Variants in SLC38A12 observed in about 807,000 individuals in gnomAD.
SLC38A12 encodes solute carrier family 38 member 12.
At chr17:74,833,015 G>GACTTGTTT in the SLC38A12 span, among the ~76,000 whole-genome samples, 3,722 of 151,838 alleles carry the variant, frequency 0.025, 58 homozygotes, top group African/African-American at 0.033. Flanking sequence ...CCATATCCGT[G>GACTTGTTT]GCTTGTTTGT....
the SLC38A12 span, among the ~76,000 whole-genome samples, chr17:74,831,603 A>G: frequency 6.6e-6 from 1 of 151,482 alleles, no homozygotes; most frequent in African/African-American, 2.4e-5. Context: ...GCTCTCCACC[A>G]CTCAGAGCGG....
chr17:74,807,376 GT>G, the SLC38A12 span, among the ~76,000 whole-genome samples: 5 of 152,362 alleles, frequency 3.3e-5, no homozygotes, highest in Non-Finnish European at 7.3e-5. Context: ...TCGCAGCGTG[GT>G]TGCTCCCTGA....
the SLC38A12 span, chr17:74,837,125 A>G: frequency 8.1e-6 from 8 of 990,160 alleles, no homozygotes; most frequent in Non-Finnish European, 9.6e-6. Flanking sequence ...AGAAACCTCC[A>G]CTAGCAGCTG....
the SLC38A12 span, among the ~76,000 whole-genome samples, chr17:74,786,943 C>G: frequency 6.6e-6 from 1 of 152,178 alleles, no homozygotes; most frequent in Non-Finnish European, 1.5e-5. Flanking sequence ...GGGTACCACA[C>G]CCCGCTCCTT....
the SLC38A12 span, among the ~76,000 whole-genome samples, chr17:74,807,032 GAAA>G: frequency 6.6e-6 from 1 of 152,098 alleles, no homozygotes; most frequent in African/African-American, 2.4e-5. Flanking sequence ...CTCCTCTCCA[GAAA>G]GCAAAGTCTA....
At chr17:74,825,977 G>A in the SLC38A12 span, among the ~76,000 whole-genome samples, 1,580 of 152,222 alleles carry the variant, frequency 0.01, 12 homozygotes, top group Middle Eastern at 0.017. Context: ...TCTCCTTCCC[G>A]TCTCTCTCTG....
the SLC38A12 span, among the ~76,000 whole-genome samples, chr17:74,806,720 G>A: frequency 2.0e-5 from 3 of 152,094 alleles, no homozygotes; most frequent in Admixed American, 2.0e-4. Flanking sequence ...TTCCCCAGGA[G>A]GGCCTAGGAT....
chr17:74,800,727 C>T, the SLC38A12 span, among the ~76,000 whole-genome samples: 7 of 152,222 alleles, frequency 4.6e-5, no homozygotes, highest in Non-Finnish European at 8.8e-5. Context: ...AGTGGTGCCC[C>T]CAGGGCACAA....
the SLC38A12 span, among the ~76,000 whole-genome samples, chr17:74,821,597 G>A: frequency 1.2e-4 from 19 of 152,196 alleles, no homozygotes; most frequent in South Asian, 4.1e-4. Flanking sequence ...GGGCTCAGCC[G>A]TCCACCCTTC....
At chr17:74,820,701 A>G in the SLC38A12 span, among the ~76,000 whole-genome samples, 1 of 152,178 alleles carries the variant, frequency 6.6e-6, no homozygotes, top group Non-Finnish European at 1.5e-5. Context: ...TCAGCACAGA[A>G]GCACTTGGCT....
At chr17:74,805,818 G>C in the SLC38A12 span, among the ~76,000 whole-genome samples, 1 of 152,198 alleles carries the variant, frequency 6.6e-6, no homozygotes, top group African/African-American at 2.4e-5. This position sits in a 1 kb window ranked among gnomAD's most constrained non-coding sequence, Gnocchi z 5.0. Flanking sequence ...ACCGAGGAAG[G>C]GAAGATGCCG....
the SLC38A12 span, among the ~76,000 whole-genome samples, chr17:74,826,844 G>A: frequency 7.9e-5 from 12 of 152,202 alleles, no homozygotes; most frequent in African/African-American, 2.7e-4. Context: ...TGGCCTTGAG[G>A]GGCCTTAAAA....
At chr17:74,803,739 C>T in the SLC38A12 span, among the ~76,000 whole-genome samples, 1 of 152,142 alleles carries the variant, frequency 6.6e-6, no homozygotes, top group African/African-American at 2.4e-5. Flanking sequence ...AGCTGAGCCC[C>T]GGGCAGACTC....
At chr17:74,776,566 G>T in the SLC38A12 span, 1 of 152,210 alleles carries the variant, frequency 6.6e-6, no homozygotes, top group Non-Finnish European at 1.5e-5. Context: ...TTGGGAGCTG[G>T]CTGTGCTGCA....
the SLC38A12 span, among the ~76,000 whole-genome samples, chr17:74,833,086 C>T: frequency 6.6e-5 from 10 of 152,328 alleles, no homozygotes; most frequent in South Asian, 2.1e-3. Context: ...TGCAGTGGCA[C>T]AATCTCAGCT....
chr17:74,819,183 T>A, the SLC38A12 span, among the ~76,000 whole-genome samples: 1 of 152,172 alleles, frequency 6.6e-6, no homozygotes, highest in Non-Finnish European at 1.5e-5. Context: ...GCTCTCGTTC[T>A]CCAGGCTTCT....
At chr17:74,833,689 C>G in the SLC38A12 span, among the ~76,000 whole-genome samples, 1 of 152,174 alleles carries the variant, frequency 6.6e-6, no homozygotes, top group Non-Finnish European at 1.5e-5. Context: ...CTCACCAGAC[C>G]CAGGGCCCAG....
At chr17:74,818,020 C>T in the SLC38A12 span, among the ~76,000 whole-genome samples, 2 of 152,220 alleles carry the variant, frequency 1.3e-5, no homozygotes, top group Non-Finnish European at 2.9e-5. Context: ...TTCTACCTGA[C>T]ATCTCCCTCT....
the SLC38A12 span, among the ~76,000 whole-genome samples, chr17:74,803,428 A>G: frequency 1.3e-5 from 2 of 151,952 alleles, no homozygotes; most frequent in East Asian, 1.9e-4. Context: ...CTTGATAAGT[A>G]TATACCCGAG....
Sources: allele counts gnomAD v4.1 joint callset (sites outside exome capture counted in the v4.1 genomes callset), GRCh38; gene constraint gnomAD v4.1.1; non-coding constraint Gnocchi (gnomAD v3.1); transcripts MANE v1.5; gene names NCBI Gene and HGNC (gene_info 2026-07-23, HGNC 2026-07-21).